KLK15: variants seen among roughly 807,000 people sequenced by gnomAD.
KLK15 encodes kallikrein-15.
KLK15 carries 19 observed loss-of-function variants against 21.1 expected under a neutral mutation model. The ratio of observed to expected loss-of-function variants is 0.90; its 90% confidence interval spans 0.63 to 1.32. The LOEUF is 1.32. KLK15 is among the 40% of genes most tolerant of loss of function. The pLI is 0.00. For synonymous variants in KLK15, 141 were observed against 141.5 expected (o/e 1.00, Z 0.03); for missense variants, 345 against 348.6 (o/e 0.99, Z 0.08).
At chr19:50,832,132 T>G (rs1339629321), upstream of KLK15, among the ~76,000 whole-genome samples, 6 of 143,158 alleles carry the variant, frequency 4.2e-5, no homozygotes, top group African/African-American at 1.6e-4. Context: ...ATCTCAACCC[T>G]CTTATCTGGC....
At chr19:50,831,203 T>C in intron 1 of KLK15, 1 of 368,398 alleles carries the variant, frequency 2.7e-6, no homozygotes, top group Non-Finnish European at 4.8e-6. Flanking sequence ...AGCTCAGGTT[T>C]GTGTAACCCC....
chr19:50,832,322 C>CTTTCTTTTTTTTTTTTTTT, upstream of KLK15, among the ~76,000 whole-genome samples: 1 of 109,440 alleles, frequency 9.1e-6, no homozygotes. Context: ...CTTTTTTTTT[C>CTTTCTTTTTTTTTTTTTTT]TTTTTTTTTT....
chr19:50,832,541 T>TAG (rs566424025), upstream of KLK15, among the ~76,000 whole-genome samples: 71,926 of 151,386 alleles, frequency 0.48, 17,167 homozygotes, highest in East Asian at 0.56. Flanking sequence ...CAGGCTGGTC[T>TAG]TGAACTCCTG....
intron 1 of KLK15, 58 bp from the exon 3 acceptor site, chr19:50,827,873 C>T: frequency 1.3e-6 from 2 of 1,524,656 alleles, no homozygotes. Flanking sequence ...CCTCCTACAC[C>T]TTCCTTGCAC....
rs200101467 is a variant in KLK15 at position 50,826,595 on chromosome 19, G to T, written c.618+26C>A. 1.2e-3 allele frequency: 1,853 copies of T among 1,558,592 alleles called. 2 individuals are homozygous for T. Among genetic ancestry groups the T allele is most frequent in the Non-Finnish European group, 1.4e-3 (1,674 of 1,155,320 alleles). On this transcript the variant is annotated intron_variant, in intron 4 of 4. Transcript: ENST00000598239. ...CACCTGTCCCCATCCCTCTTCTTCC[G>T]CCTGATGGCCCCTCTAGGCTCTGAC...
chr19:50,831,231 C>T (rs547579961), intron 1 of KLK15: 5 of 402,246 alleles, frequency 1.2e-5, no homozygotes, highest in African/African-American at 6.2e-5. Flanking sequence ...TGTTCCTTGT[C>T]GTGGGCAGCG....
intron 1 of KLK15, among the ~76,000 whole-genome samples, chr19:50,828,276 G>A (rs2089920652): frequency 1.3e-5 from 2 of 151,492 alleles, no homozygotes; most frequent in African/African-American, 4.8e-5. Context: ...ACCGCTGCCT[G>A]TTTTCTCCAG....
chr19:50,825,613 T>C (rs917479566), downstream of KLK15: 6 of 524,262 alleles, frequency 1.1e-5, no homozygotes, highest in Middle Eastern at 4.9e-4. Context: ...TTTGTTATCT[T>C]GGCATTAAAC....
intron 1 of KLK15, among the ~76,000 whole-genome samples, chr19:50,829,140 G>C (rs1599954495): frequency 6.6e-6 from 1 of 151,362 alleles, no homozygotes. Context: ...TGTGAGTCTT[G>C]GCATCCAGTG....
chr19:50,830,212 G>A (rs903907552), intron 1 of KLK15, among the ~76,000 whole-genome samples: 1 of 151,266 alleles, frequency 6.6e-6, no homozygotes, highest in African/African-American at 2.4e-5. Context: ...TTAAGGACAT[G>A]ATTAGAGACA....
exon 5 of KLK15, chr19:50,825,931 G>A: frequency 6.2e-7 from 1 of 1,613,388 alleles, no homozygotes. Context: ...CACAGACCAG[G>A]GGTCCCCCAG....
downstream of KLK15, chr19:50,825,730 G>T: frequency 6.6e-7 from 1 of 1,518,340 alleles, no homozygotes; most frequent in Non-Finnish European, 9.0e-7. Context: ...TCCATGTCAG[G>T]CGGGGCTGCT....
intron 1 of KLK15, chr19:50,831,246 GC>G (rs1000704134): frequency 1.7e-5 from 7 of 416,486 alleles, no homozygotes; most frequent in Non-Finnish European, 2.9e-5. Flanking sequence ...GCAGCGAGAG[GC>G]CCCAGGCAAC....
At chr19:50,828,376 G>C (rs1394637733) in intron 1 of KLK15, among the ~76,000 whole-genome samples, 1 of 151,548 alleles carries the variant, frequency 6.6e-6, no homozygotes, top group Non-Finnish European at 1.5e-5. Context: ...TGTGGTTGGG[G>C]GTGGAGACAG....
chr19:50,826,825 C>T (rs750552792), intron 3 of KLK15, 53 bp downstream of exon 4: 1 of 1,568,356 alleles, frequency 6.4e-7, no homozygotes, highest in African/African-American at 1.4e-5. Context: ...CCCAAGAGCC[C>T]TGGAGCATAG....
At chr19:50,831,694 G>T (rs112724009), upstream of KLK15, among the ~76,000 whole-genome samples, 1 of 151,950 alleles carries the variant, frequency 6.6e-6, no homozygotes, top group African/African-American at 2.4e-5. Flanking sequence ...TCTCTGGAAG[G>T]TTTACTCTTC....
intron 4 of KLK15, 51 bp downstream of exon 5, chr19:50,826,570 C>A: frequency 6.5e-7 from 1 of 1,533,626 alleles, no homozygotes; most frequent in Non-Finnish European, 8.7e-7. Context: ...CGGACTCCCA[C>A]ACCTGTCCCC....
chr19:50,832,117 G>T (rs2089998610), upstream of KLK15, among the ~76,000 whole-genome samples: 1 of 67,454 alleles, frequency 1.5e-5, no homozygotes, highest in African/African-American at 5.1e-5. Context: ...CACCGCGCCT[G>T]GTCTATCTCA....
chr19:50,831,500 G>A, exon 1 of KLK15: 1 of 1,459,720 alleles, frequency 6.9e-7, no homozygotes, highest in Non-Finnish European at 9.0e-7. Context: ...CATTGTGGAG[G>A]AGGGACCAGG....
Sources: allele counts gnomAD v4.1 joint callset (sites outside exome capture counted in the v4.1 genomes callset), GRCh38; gene constraint gnomAD v4.1.1; transcripts MANE v1.5; gene names NCBI Gene and HGNC (gene_info 2026-07-23, HGNC 2026-07-21).